The following SRPX variants were observed in gnomAD, a reference collection of about 807,000 sequenced individuals.
SRPX encodes sushi repeat containing protein X-linked, also known as sushi repeat-containing protein SRPX.
A neutral mutation model predicts 38.1 loss-of-function variants in SRPX; 24 were observed. The observed-to-expected ratio is 0.63, with a 90% CI of 0.46 to 0.89. The LOEUF is 0.89. Among genes scored for constraint, SRPX ranks in the 40% least tolerant of loss-of-function variants. The probability of loss-of-function intolerance (pLI) is 0.00; values close to 1 mark genes in which losing one functional copy is unlikely to be tolerated. For missense variants in SRPX, 416 were observed against 377.8 expected (o/e 1.10, Z -0.84); for synonymous variants, 184 against 153.8 (o/e 1.20, Z -1.45).
chrX:38,200,022 C>G (rs1473350707), intron 1 of SRPX, among the ~76,000 whole-genome samples: 1 of 112,170 alleles, frequency 8.9e-6, no homozygotes, highest in Non-Finnish European at 1.9e-5. Flanking sequence ...AAGCTGAAGT[C>G]AATTTCAGAT....
Position 38,149,633 on chromosome X carries a change from G to C in SRPX, c.*78C>G. The C allele has an allele frequency of 1.1e-6, 1 of 937,316 alleles. No individual in the cohort carries two copies. The highest frequency in any genetic ancestry group is 1.4e-6 in the Non-Finnish European group (1 of 694,623). The allele number at this position is 937,316 out of a possible 1,213,427, so 77.2% of individuals were successfully genotyped here. A position where few individuals can be genotyped will look rare whatever the true frequency, so the allele number is the denominator to read the frequency against. ...ATTACAAATAAAATCTGTACATCAA[G>C]GATATTTTTAAGGCTTTCCCGTGTG... On this transcript the variant is annotated 3_prime_UTR_variant, in exon 10 of 10. Transcript: ENST00000378533.
chrX:38,159,018 G>A (rs887977392), intron 7 of SRPX, among the ~76,000 whole-genome samples: 1 of 111,198 alleles, frequency 9.0e-6, no homozygotes, highest in African/African-American at 3.3e-5. Context: ...AATATAAAGA[G>A]ATAGGTAGAA....
At chrX:38,209,275 C>T (rs1455304599) in intron 1 of SRPX, among the ~76,000 whole-genome samples, 1 of 111,339 alleles carries the variant, frequency 9.0e-6, no homozygotes, top group Non-Finnish European at 1.9e-5. Context: ...ACCCTCATTC[C>T]TCTCCTCAGC....
intron 5 of SRPX, among the ~76,000 whole-genome samples, chrX:38,164,218 C>T (rs1002445219): frequency 9.0e-6 from 1 of 110,526 alleles, no homozygotes; most frequent in Admixed American, 9.6e-5. Context: ...TCTTGGCTCA[C>T]TGCAACCTCA....
chrX:38,172,893 TGA>T (rs776204349), intron 3 of SRPX, among the ~76,000 whole-genome samples: 1 of 109,322 alleles, frequency 9.1e-6, no homozygotes. Flanking sequence ...AGTGAGAGAG[TGA>T]GAGAGAGAGA....
intron 1 of SRPX, among the ~76,000 whole-genome samples, chrX:38,193,888 A>T (rs1938950683): frequency 8.9e-6 from 1 of 112,144 alleles, no homozygotes; most frequent in African/African-American, 3.2e-5. Context: ...CATGAAAATC[A>T]ATGAAAAAAA....
At position 38,179,113 on chromosome X, in the gene SRPX, A is replaced by G. The variant is rs765444639; in HGVS notation, c.98-769T>C. Among the ~76,000 whole-genome samples, 30 of 109,442 alleles carry G rather than the reference A, an allele frequency of 2.7e-4. No homozygotes were observed. The East Asian group carries it at 8.1e-3, about 29-fold the overall frequency. On this transcript the variant is annotated intron_variant, in intron 1 of 9. Transcript: ENST00000378533. ...AGGCATGTGCCACCATGCCTGGCTA[A>G]TTTTGTATTTTTAGTAGAGACGGGA...
In SRPX at chrX:38,174,162, T is replaced by C. The variant is rs35474361; in HGVS notation, c.347A>G (p.Lys116Arg). ...NKRWSDKVIC[K>R]QKRCPTLAMP... ...CAACACAGAGCTGGCCTACTCACGT[T>C]TGCAGATGACCTTGTCAGACCATCG... The change falls in exon 3 of 10, where the codon AAA becomes AGA. Residue 116 changes from lysine (K) to arginine (R), a missense_variant and splice_region_variant. Lys to Arg is a conservative substitution (Grantham distance 26, BLOSUM62 2). Coordinates refer to ENST00000378533, the MANE Select transcript of SRPX (RefSeq NM_006307.5). 14,366 of 1,081,772 alleles carry C rather than the reference T, an allele frequency of 0.013. 1,192 individuals are homozygous for C. In the African/African-American group the frequency reaches 0.24, roughly 18 times the overall value. 89.2% of individuals were successfully genotyped at this position (1,081,772 alleles called of 1,213,427 possible). A position where few individuals can be genotyped will look rare whatever the true frequency, so the allele number is the denominator to read the frequency against.
Position 38,220,863 on chromosome X carries a change from C to T in SRPX, c.-71G>A. On this transcript the variant is annotated 5_prime_UTR_variant, in exon 1 of 10. Transcript: ENST00000378533. The stretch of plus-strand genomic sequence containing the variant: ...GGGGGCGGCAGGAGACCGAAGAGAC[C>T]AAGGGACTGCGTGCTAGCGGGCGGG... 1 of 1,049,670 alleles carries T rather than the reference C, an allele frequency of 9.5e-7. No individual in the cohort carries two copies. The highest frequency in any genetic ancestry group is 1.2e-6 in the Non-Finnish European group (1 of 824,097). The allele number at this position is 1,049,670 out of a possible 1,213,427, so 86.5% of individuals were successfully genotyped here.
At chrX:38,175,747 C>T (rs1938557288) in intron 2 of SRPX, among the ~76,000 whole-genome samples, 1 of 111,687 alleles carries the variant, frequency 9.0e-6, no homozygotes, top group South Asian at 3.8e-4. Context: ...ACTCAAGACT[C>T]AAGTAATCTT....
intron 5 of SRPX, among the ~76,000 whole-genome samples, chrX:38,162,681 G>C (rs182470140): frequency 8.9e-6 from 1 of 112,020 alleles, no homozygotes; most frequent in African/African-American, 3.2e-5. Flanking sequence ...GGGCATGGTG[G>C]TGCACACCTG....
intron 6 of SRPX, 49 bp from the exon 7 acceptor site, chrX:38,160,245 C>T (rs1172540729): frequency 3.5e-6 from 4 of 1,144,428 alleles, no homozygotes; most frequent in Non-Finnish European, 3.6e-6. Flanking sequence ...CTCCCATCCA[C>T]AGAGTAAGCA....
chrX:38,199,389 G>A (rs901036273), intron 1 of SRPX, among the ~76,000 whole-genome samples: 16 of 110,799 alleles, frequency 1.4e-4, no homozygotes, highest in African/African-American at 4.6e-4. Flanking sequence ...CTGGGCGACA[G>A]AGCGAGACTC....
chrX:38,151,620 A>G (rs1028865409), intron 9 of SRPX, among the ~76,000 whole-genome samples: 1 of 111,605 alleles, frequency 9.0e-6, no homozygotes, highest in Non-Finnish European at 1.9e-5. Context: ...TGTCATGGGA[A>G]GAGCTGAGTG....
At position 38,164,868 on chromosome X, in the gene SRPX, G is replaced by A. The variant is rs758342904; in HGVS notation, c.554C>T (p.Pro185Leu). Residue 185 changes from proline (P) to leucine (L), a missense_variant, in exon 5 of 10, where the codon CCA (proline) becomes CTA (leucine). By Grantham distance (98) the Pro-to-Leu change is moderately conservative. Coordinates refer to ENST00000378533, the MANE Select transcript of SRPX (RefSeq NM_006307.5). ...VDMEPPRIKC[P>L]SVKERIAEPN... ...TTCTGCAATGCGTTCCTTCACACTT[G>A]GGCACTTGATTCTAGGAGGTTCCAT... is the stretch of plus-strand genomic sequence containing the variant. The A allele has an allele frequency of 6.6e-6, 8 of 1,209,875 alleles. No individual in the cohort carries two copies. The highest frequency in any genetic ancestry group is 8.9e-6 in the Non-Finnish European group (8 of 894,606).
intron 1 of SRPX, among the ~76,000 whole-genome samples, chrX:38,208,467 G>A (rs1039270830): frequency 8.9e-6 from 1 of 111,990 alleles, no homozygotes. Flanking sequence ...TTATGTATGA[G>A]ATTCATCCCT....
chrX:38,220,560 C>T, intron 1 of SRPX, 136 bp downstream of exon 1: 1 of 997,402 alleles, frequency 1.0e-6, no homozygotes, highest in Non-Finnish European at 1.3e-6. Context: ...TCCCCACCCT[C>T]GGGCTGCGAA....
chrX:38,185,931 G>A (rs904776912), intron 1 of SRPX, among the ~76,000 whole-genome samples: 2 of 107,232 alleles, frequency 1.9e-5, no homozygotes, highest in Non-Finnish European at 3.8e-5. Flanking sequence ...TTGCATGTTG[G>A]TGGGAAATAA....
chrX:38,208,595 T>C (rs962538865), intron 1 of SRPX, among the ~76,000 whole-genome samples: 1 of 111,880 alleles, frequency 8.9e-6, no homozygotes, highest in African/African-American at 3.2e-5. Context: ...AAAAAGAGAA[T>C]GGAATCAAGA....
Sources: gnomAD v4.1 joint callset for allele counts (sites outside exome capture counted in the v4.1 genomes callset) on GRCh38, gnomAD v4.1.1 for gene constraint, MANE v1.5 for transcripts, NCBI Gene and HGNC (gene_info 2026-07-23, HGNC 2026-07-21) for gene names.